Variants in GNG7 observed in about 807,000 individuals in gnomAD.
The protein encoded by GNG7 is G protein subunit gamma 7.
Under a neutral mutation model 4.0 loss-of-function variants are expected in GNG7, and 1 was observed. That is an observed-to-expected ratio of 0.25 (90% CI 0.09 to 1.18). GNG7 has a LOEUF of 1.18. Ranked by LOEUF, GNG7 falls within the 50% of genes most tolerant of loss-of-function variation. The pLI is 0.50. For synonymous variants in GNG7, 34 were observed against 36.9 expected (o/e 0.92, Z 0.29); for missense variants, 86 against 91.9 (o/e 0.94, Z 0.26).
At chr19:2,647,914 G>C (rs1982708431) in intron 1 of GNG7, among the ~76,000 whole-genome samples, 1 of 150,884 alleles carries the variant, frequency 6.6e-6, no homozygotes, top group Non-Finnish European at 1.5e-5. Flanking sequence ...CGTAATCCCA[G>C]CTACTTGGGA....
intron 2 of GNG7, among the ~76,000 whole-genome samples, chr19:2,624,252 G>A (rs1250224405): frequency 2.0e-5 from 3 of 151,860 alleles, no homozygotes; most frequent in East Asian, 1.9e-4. Context: ...AGAAAGGGCC[G>A]GGCGCGGTGG....
intron 1 of GNG7, among the ~76,000 whole-genome samples, chr19:2,665,371 G>T (rs1039429385): frequency 1.3e-5 from 2 of 148,952 alleles, no homozygotes; most frequent in Middle Eastern, 3.5e-3. Context: ...TGGGGGGGGG[G>T]GGGCAGGATC....
chr19:2,619,406 T>C (rs903589206), intron 2 of GNG7, among the ~76,000 whole-genome samples: 1 of 152,256 alleles, frequency 6.6e-6, no homozygotes, highest in African/African-American at 2.4e-5. Flanking sequence ...CATCTGGATC[T>C]CTGCAGAAAA....
rs184599358 is a variant in GNG7, at chr19:2,530,392, G to A, written c.-37-9667C>T. Among the ~76,000 whole-genome samples the A allele has an allele frequency of 2.2e-3, 325 of 147,154 alleles. 1 individual carries two copies. The highest frequency in any genetic ancestry group is 7.8e-3 in the African/African-American group (311 of 39,778). The stretch of plus-strand genomic sequence containing the variant: ...TGTGCCACTGCACTCCAGCCTGGGC[G>A]ACAGAGAGAGACCCTGTCTCAAAAA... On this transcript the variant is annotated intron_variant, in intron 3 of 4. Transcript: ENST00000382159.
intron 1 of GNG7, among the ~76,000 whole-genome samples, chr19:2,682,600 T>C (rs1461907627): frequency 6.3e-5 from 9 of 141,740 alleles, no homozygotes; most frequent in African/African-American, 1.9e-4. Context: ...GAGACGGAGG[T>C]TGCAGAGATC....
At chr19:2,593,168 A>G (rs1474147836) in intron 2 of GNG7, among the ~76,000 whole-genome samples, 1 of 152,240 alleles carries the variant, frequency 6.6e-6, no homozygotes, top group Non-Finnish European at 1.5e-5. Flanking sequence ...TTCAAAGAGG[A>G]CAGGGCACCG....
chr19:2,560,167 T>C (rs192359817), intron 2 of GNG7, among the ~76,000 whole-genome samples: 7 of 152,214 alleles, frequency 4.6e-5, no homozygotes, highest in African/African-American at 1.2e-4. Flanking sequence ...ACCCCAGGCA[T>C]TGATTTGGGG....
chr19:2,637,021 C>T (rs1675929725), intron 2 of GNG7, among the ~76,000 whole-genome samples: 1 of 151,888 alleles, frequency 6.6e-6, no homozygotes, highest in South Asian at 2.1e-4. Flanking sequence ...TCCAACTCCA[C>T]TTGTCCTCAC....
intron 3 of GNG7, chr19:2,538,248 A>C: frequency 2.2e-6 from 1 of 456,726 alleles, no homozygotes; most frequent in Non-Finnish European, 4.4e-6. Context: ...AGCCGTGCTG[A>C]GTGGCCCAGG....
At chr19:2,677,810 G>A (rs1485891234) in intron 1 of GNG7, among the ~76,000 whole-genome samples, 1 of 149,856 alleles carries the variant, frequency 6.7e-6, no homozygotes, top group Admixed American at 6.6e-5. Context: ...ACAACTCGGG[G>A]TGTCCCTGGC....
chr19:2,682,468 G>A (rs1599460091), intron 1 of GNG7, among the ~76,000 whole-genome samples: 1 of 151,092 alleles, frequency 6.6e-6, no homozygotes, highest in Non-Finnish European at 1.5e-5. Context: ...TTCGAGACCA[G>A]CCTGGCCAAC....
At chr19:2,693,744 T>G (rs1011697062) in intron 1 of GNG7, among the ~76,000 whole-genome samples, 1 of 152,104 alleles carries the variant, frequency 6.6e-6, no homozygotes, top group Non-Finnish European at 1.5e-5. Context: ...CAGTGTCCCC[T>G]GAAGGCCAGA....
intron 1 of GNG7, among the ~76,000 whole-genome samples, chr19:2,693,428 AAAG>A (rs897992355): frequency 8.6e-5 from 13 of 151,622 alleles, no homozygotes; most frequent in African/African-American, 2.2e-4. Flanking sequence ...AAAAAAAAAA[AAAG>A]AAAGAAAGAA....
intron 2 of GNG7, among the ~76,000 whole-genome samples, chr19:2,613,165 G>A (rs767183906): frequency 1.8e-4 from 27 of 152,126 alleles, no homozygotes; most frequent in Non-Finnish European, 2.9e-4. Flanking sequence ...AGTTTAACCC[G>A]GCTGGTGGCT....
intron 1 of GNG7, among the ~76,000 whole-genome samples, chr19:2,695,832 G>A (rs1026758504): frequency 2.0e-5 from 3 of 152,104 alleles, no homozygotes; most frequent in African/African-American, 4.8e-5. Flanking sequence ...TGAGGCTCTC[G>A]GCTCAAGAGG....
chr19:2,542,762 C>G (rs8113121), intron 3 of GNG7, among the ~76,000 whole-genome samples: 1 of 151,828 alleles, frequency 6.6e-6, no homozygotes, highest in Non-Finnish European at 1.5e-5. Flanking sequence ...GAGGGCCCCC[C>G]GGTGAGCAGG....
intron 1 of GNG7, among the ~76,000 whole-genome samples, chr19:2,699,302 C>T (rs1330711068): frequency 1.3e-5 from 2 of 152,092 alleles, no homozygotes; most frequent in African/African-American, 4.8e-5. Context: ...GCGTGTGCTA[C>T]CACGCCCAGT....
chr19:2,586,112 T>A (rs1168466758), intron 2 of GNG7, among the ~76,000 whole-genome samples: 6 of 152,230 alleles, frequency 3.9e-5, no homozygotes, highest in Admixed American at 6.5e-5. Flanking sequence ...GTTGTACGAT[T>A]TTGATGATGA....
intron 2 of GNG7, among the ~76,000 whole-genome samples, chr19:2,575,292 C>G (rs1419449376): frequency 1.3e-5 from 2 of 152,128 alleles, no homozygotes; most frequent in Admixed American, 6.6e-5. Flanking sequence ...TTGCTGTTGC[C>G]AGGAACTACT....
Sources: allele counts gnomAD v4.1 joint callset (sites outside exome capture counted in the v4.1 genomes callset), GRCh38; gene constraint gnomAD v4.1.1; transcripts MANE v1.5; gene names NCBI Gene and HGNC (gene_info 2026-07-23, HGNC 2026-07-21).